Variants in SGCD observed in about 807,000 individuals in gnomAD.
SGCD encodes the protein sarcoglycan delta.
A neutral mutation model predicts 36.6 loss-of-function variants in SGCD; 18 were observed. The observed-to-expected ratio is 0.49, with a 90% CI of 0.34 to 0.73. SGCD has a LOEUF of 0.73. Ranked by LOEUF, SGCD falls within the 30% of genes least tolerant of loss-of-function variation. The pLI, the probability that SGCD is intolerant of heterozygous loss-of-function variation, is 0.01. For missense variants in SGCD, 387 were observed against 346.7 expected (o/e 1.12, Z -0.92); for synonymous variants, 133 against 130.6 (o/e 1.02, Z -0.12).
intron 1 of SGCD, among the ~76,000 whole-genome samples, chr5:156,059,327 G>T (rs978334796): frequency 6.8e-6 from 1 of 146,272 alleles, no homozygotes; most frequent in Non-Finnish European, 1.5e-5. Flanking sequence ...CTCTGCTAAG[G>T]AAACTTGTAT....
At chr5:156,556,120 GAA>G (rs34927078) in intron 4 of SGCD, among the ~76,000 whole-genome samples, 62 of 134,290 alleles carry the variant, frequency 4.6e-4, no homozygotes, top group African/African-American at 1.2e-3. Context: ...ATACAGATAA[GAA>G]AAAAAAAAAA....
chr5:155,918,043 C>T lies in SGCD; in HGVS notation c.-282+47619C>T, dbSNP rs149709653. On this transcript the variant is annotated intron_variant, in intron 1 of 9. Coordinates refer to the SGCD transcript ENST00000517913. The stretch of plus-strand genomic sequence containing the variant: ...CTGTGCTTCCCGATCTGCCATGCCT[C>T]GGGAAATTTGCTGGATGGCCAAATA... 6.8e-4 allele frequency among the ~76,000 whole-genome samples: 104 copies of T among 152,228 alleles called. 1 individual carries two copies. In the East Asian group the frequency reaches 8.3e-3, roughly 12 times the overall value.
chr5:156,119,286 T>C (rs1289971049), intron 2 of SGCD, among the ~76,000 whole-genome samples: 1 of 152,200 alleles, frequency 6.6e-6, no homozygotes, highest in East Asian at 1.9e-4. Context: ...AAAGAAGCAA[T>C]GGTGATTTTC....
chr5:156,740,239 C>CAGACCA (rs1215417795), intron 7 of SGCD, among the ~76,000 whole-genome samples: 1 of 152,182 alleles, frequency 6.6e-6, no homozygotes, highest in African/African-American at 2.4e-5. Flanking sequence ...TACATTGATA[C>CAGACCA]AGACCAGGCT....
chr5:156,565,789 A>G (rs918176508), intron 4 of SGCD, among the ~76,000 whole-genome samples: 1 of 152,054 alleles, frequency 6.6e-6, no homozygotes, highest in Non-Finnish European at 1.5e-5. Flanking sequence ...GAGTGAGAAC[A>G]TGCAGTGTTT....
intron 4 of SGCD, among the ~76,000 whole-genome samples, chr5:156,547,946 T>C (rs1201106732): frequency 2.6e-5 from 4 of 152,196 alleles, no homozygotes; most frequent in East Asian, 1.9e-4. Context: ...CCAGGTTTCA[T>C]TGATTTGGTA....
the SGCD span, among the ~76,000 whole-genome samples, chr5:155,735,493 G>C: frequency 7.2e-5 from 11 of 152,220 alleles, no homozygotes; most frequent in Non-Finnish European, 1.0e-4. Context: ...CTGAGGCTCA[G>C]AGGGGGAAAG....
chr5:156,145,622 A>G (rs555701702), intron 3 of SGCD, among the ~76,000 whole-genome samples: 91 of 152,160 alleles, frequency 6.0e-4, no homozygotes, highest in Non-Finnish European at 9.1e-4. Context: ...CCTCCCAAAA[A>G]AGTTGAAGAT....
intron 3 of SGCD, among the ~76,000 whole-genome samples, chr5:156,227,049 G>A (rs1401265777): frequency 6.6e-6 from 1 of 152,100 alleles, no homozygotes; most frequent in Non-Finnish European, 1.5e-5. Context: ...TCTGTGGGTT[G>A]TGTGTTTATT....
chr5:156,145,230 A>G (rs895183377), intron 3 of SGCD, among the ~76,000 whole-genome samples: 1 of 151,748 alleles, frequency 6.6e-6, no homozygotes, highest in African/African-American at 2.4e-5. Context: ...AGTGTGTAGC[A>G]CCTCCTTTCT....
At chr5:155,871,414 A>G (rs1755653325) in intron 1 of SGCD, among the ~76,000 whole-genome samples, 1 of 152,088 alleles carries the variant, frequency 6.6e-6, no homozygotes, top group Non-Finnish European at 1.5e-5. Context: ...ATTCAGAGAA[A>G]CTTTATTAGA....
intron 3 of SGCD, among the ~76,000 whole-genome samples, chr5:156,504,136 G>A (rs573608193): frequency 1.1e-3 from 165 of 151,634 alleles, no homozygotes; most frequent in Non-Finnish European, 1.9e-3. Flanking sequence ...CCTGGAAGGC[G>A]GAGGTTGCAG....
At chr5:156,139,007 C>T (rs574284887) in intron 3 of SGCD, among the ~76,000 whole-genome samples, 23 of 152,220 alleles carry the variant, frequency 1.5e-4, no homozygotes, top group African/African-American at 5.3e-4. Context: ...AAGTCTTTTG[C>T]CCAATTTTTA....
chr5:156,076,761 G>A (rs1283060950), intron 1 of SGCD, among the ~76,000 whole-genome samples: 2 of 152,034 alleles, frequency 1.3e-5, no homozygotes, highest in African/African-American at 4.8e-5. Context: ...ATTACATCTG[G>A]GTAATTAGCT....
chr5:156,753,951 T>C (rs1245608153), intron 7 of SGCD, among the ~76,000 whole-genome samples: 1 of 152,234 alleles, frequency 6.6e-6, no homozygotes, highest in East Asian at 1.9e-4. Context: ...TTAAGTCTGC[T>C]TGAACATCAA....
At chr5:156,700,156 C>G (rs1302719717) in intron 7 of SGCD, among the ~76,000 whole-genome samples, 10 of 152,132 alleles carry the variant, frequency 6.6e-5, no homozygotes. Context: ...AGACAATGGC[C>G]AAAGAACAAC....
intron 3 of SGCD, among the ~76,000 whole-genome samples, chr5:156,168,930 C>T (rs149467628): frequency 2.6e-5 from 4 of 152,338 alleles, no homozygotes; most frequent in Non-Finnish European, 2.9e-5. Flanking sequence ...CAGGCACTCT[C>T]TGCATGTGAT....
At position 156,715,528 on chromosome 5, in the gene SGCD, T is replaced by C. The variant is rs527760257; in HGVS notation, c.576-42053T>C. Reference sequence around the variant, plus strand: ...GCCGCCATTTCATCATCATCAATCTTTCCTTCATTCATTGTGCATTTACTT... The same window carrying C: ...GCCGCCATTTCATCATCATCAATCTCTCCTTCATTCATTGTGCATTTACTT... On this transcript the variant is annotated intron_variant, in intron 7 of 8. Transcript: ENST00000337851. 1.2e-3 allele frequency among the ~76,000 whole-genome samples: 180 copies of C among 152,334 alleles called. No individual in the cohort carries two copies. The Middle Eastern group carries it at 0.014, about 12-fold the overall frequency.
At chr5:155,759,454 C>A in the SGCD span, among the ~76,000 whole-genome samples, 1 of 152,034 alleles carries the variant, frequency 6.6e-6, no homozygotes, top group African/African-American at 2.4e-5. Context: ...GCAGAGTAAG[C>A]ATTTATATTT....
Sources: allele counts gnomAD v4.1 joint callset (sites outside exome capture counted in the v4.1 genomes callset), GRCh38; gene constraint gnomAD v4.1.1; transcripts MANE v1.5; gene names NCBI Gene and HGNC (gene_info 2026-07-23, HGNC 2026-07-21).